Variants in ILDR1 observed in about 807,000 individuals in gnomAD.
ILDR1 encodes the protein immunoglobulin-like domain-containing receptor 1.
ILDR1 carries 56 observed loss-of-function variants against 62.4 expected under a neutral mutation model. That is an observed-to-expected ratio of 0.90 (90% CI 0.72 to 1.12). The LOEUF (loss-of-function observed/expected upper bound fraction) is 1.12. ILDR1 is among the 50% of genes most tolerant of loss of function. The pLI is 0.00. For synonymous variants in ILDR1, 284 were observed against 277.8 expected, an observed-to-expected ratio of 1.02 and a Z score of -0.22; for missense variants, 736 against 710.6, an observed-to-expected ratio of 1.04 and a Z score of -0.41.
chr3:121,998,231 T>A (rs1393576874), intron 5 of ILDR1, among the ~76,000 whole-genome samples: 1 of 152,272 alleles, frequency 6.6e-6, no homozygotes, highest in Non-Finnish European at 1.5e-5. Context: ...ACCAGCTTCA[T>A]CACTCATCAG....
chr3:122,047,177 C>T, the ILDR1 span, among the ~76,000 whole-genome samples: 11 of 149,996 alleles, frequency 7.3e-5, no homozygotes, highest in South Asian at 4.3e-4. Flanking sequence ...AATACCCTGC[C>T]GTGTGAGGTG....
the ILDR1 span, among the ~76,000 whole-genome samples, chr3:122,031,240 G>C: frequency 6.6e-6 from 1 of 152,160 alleles, no homozygotes. Flanking sequence ...GTAGCACCAG[G>C]GAGTTAACTA....
intron 1 of ILDR1, among the ~76,000 whole-genome samples, chr3:122,017,108 C>T (rs151194702): frequency 2.3e-3 from 357 of 151,940 alleles, no homozygotes; most frequent in Non-Finnish European, 3.7e-3. Context: ...AGTGAAATGG[C>T]GCGATCTCGG....
the ILDR1 span, among the ~76,000 whole-genome samples, chr3:122,061,373 A>G: frequency 1.3e-5 from 2 of 152,240 alleles, no homozygotes; most frequent in Non-Finnish European, 2.9e-5. Context: ...CAATTATGAA[A>G]TGACAAAAAC....
chr3:122,051,568 A>G, the ILDR1 span, among the ~76,000 whole-genome samples: 1 of 152,030 alleles, frequency 6.6e-6, no homozygotes, highest in African/African-American at 2.4e-5. Context: ...TATGATGGTT[A>G]TTTAGAATTT....
intron 3 of ILDR1, among the ~76,000 whole-genome samples, chr3:122,003,351 AT>A (rs970114316): frequency 5.9e-5 from 9 of 152,032 alleles, no homozygotes; most frequent in Non-Finnish European, 1.3e-4. Flanking sequence ...AATATCTACA[AT>A]TTTTTTCCTA....
the ILDR1 span, among the ~76,000 whole-genome samples, chr3:122,049,230 T>A: frequency 6.6e-6 from 1 of 152,218 alleles, no homozygotes; most frequent in Non-Finnish European, 1.5e-5. Context: ...TCCATTGTGA[T>A]TGGAAAAGGT....
chr3:122,036,588 C>CG, the ILDR1 span, among the ~76,000 whole-genome samples: 14 of 98,574 alleles, frequency 1.4e-4, no homozygotes, highest in African/African-American at 5.6e-4. Context: ...GACTCCATTT[C>CG]AAAAAAAAAA....
At chr3:122,010,879 C>G (rs931483491) in intron 1 of ILDR1, among the ~76,000 whole-genome samples, 1 of 152,142 alleles carries the variant, frequency 6.6e-6, no homozygotes, top group Admixed American at 6.5e-5. Context: ...AATGTGATAC[C>G]TGGGAGAAGA....
chr3:121,992,919 G>A lies in ILDR1; in HGVS notation c.1599+231C>T, dbSNP rs80115089. 7.6e-3 allele frequency among the ~76,000 whole-genome samples: 1,164 copies of A among 152,284 alleles called. 18 individuals carry two copies. The highest frequency in any genetic ancestry group is 0.026 in the African/African-American group (1,082 of 41,554). On this transcript the variant is annotated intron_variant, in intron 7 of 7. Transcript: ENST00000344209. ...GGACTGCGATGACAGCCGAAGCGAC[G>A]GTGAGAAGGCCCTTCACAGGCAGCG... is the stretch of plus-strand genomic sequence containing the variant.
At chr3:122,018,562 C>T (rs958782613) in intron 1 of ILDR1, among the ~76,000 whole-genome samples, 7 of 151,856 alleles carry the variant, frequency 4.6e-5, no homozygotes, top group Non-Finnish European at 8.8e-5. Context: ...AACAAAAAAC[C>T]TGCTCCACAG....
At chr3:122,036,157 T>C in the ILDR1 span, among the ~76,000 whole-genome samples, 1 of 152,188 alleles carries the variant, frequency 6.6e-6, no homozygotes, top group Non-Finnish European at 1.5e-5. Context: ...AATTTTGAAC[T>C]CGAAAGAGAT....
At chr3:122,036,519 G>A in the ILDR1 span, among the ~76,000 whole-genome samples, 1 of 151,686 alleles carries the variant, frequency 6.6e-6, no homozygotes, top group East Asian at 1.9e-4. Context: ...AACGCGGGAG[G>A]TGGAGCTTGC....
chr3:122,005,305 C>T lies in ILDR1; in HGVS notation c.318G>A (p.Arg106=), dbSNP rs757019053. 4.3e-6 allele frequency: 7 copies of T among 1,614,022 alleles called. No homozygotes were observed. The South Asian group carries it at 7.7e-5, about 18-fold the overall frequency. The change falls in exon 3 of 8, where the codon CGG becomes CGA. Residue 106 remains arginine, a synonymous_variant. Transcript: ENST00000344209. The stretch of plus-strand genomic sequence containing the variant: ...CCCCCAGCACGGGCTCATTCTGCCC[C>T]CGCCGCTGGGCCACTATGCGAACTT... ...QREVRIVAQR[R]GQNEPVLGVD... is the part of the protein sequence containing the mutation.
chr3:122,050,389 T>C, the ILDR1 span, among the ~76,000 whole-genome samples: 1 of 152,134 alleles, frequency 6.6e-6, no homozygotes, highest in African/African-American at 2.4e-5. Context: ...TATGGTGACA[T>C]GATTTTATAC....
At chr3:122,052,941 T>C in the ILDR1 span, among the ~76,000 whole-genome samples, 1 of 152,196 alleles carries the variant, frequency 6.6e-6, no homozygotes, top group Non-Finnish European at 1.5e-5. Context: ...AAACTGGGAA[T>C]TTCCTCCTAA....
chr3:122,020,579 T>C (rs1364974423), intron 1 of ILDR1, among the ~76,000 whole-genome samples: 2 of 152,202 alleles, frequency 1.3e-5, no homozygotes, highest in Non-Finnish European at 2.9e-5. Flanking sequence ...GGGGCAGTGG[T>C]GGGAGCAGAA....
Position 121,993,416 on chromosome 3 carries a change from C to A in ILDR1, c.1333G>T (p.Glu445Ter). The A allele has an allele frequency of 6.2e-7, 1 of 1,613,920 alleles. No individual in the cohort carries two copies. Among genetic ancestry groups the A allele is most frequent in the Non-Finnish European group, 8.5e-7 (1 of 1,179,910 alleles). Reference protein sequence around the residue: ...SHPPFRSRCQERPRRPSPRES... With the variant: ...SHPPFRSRCQ Reference sequence around the variant, plus strand: ...CGGGGGCTGGGCCTGCGGGGCCTCTCCTGACAGCGGCTCCTGAAAGGAGGG... The same window carrying A: ...CGGGGGCTGGGCCTGCGGGGCCTCTACTGACAGCGGCTCCTGAAAGGAGGG... Residue 445 changes from glutamate (E) to a stop codon, truncating the protein, a stop_gained, in exon 7 of 8, where the codon GAG (glutamate) becomes TAG (stop). Transcript: ENST00000344209. LOFTEE classifies it high-confidence loss of function.
intron 5 of ILDR1, among the ~76,000 whole-genome samples, chr3:121,994,687 G>A (rs1485502364): frequency 6.6e-6 from 1 of 152,210 alleles, no homozygotes; most frequent in Non-Finnish European, 1.5e-5. Flanking sequence ...GAAGCCAAAG[G>A]CCAGAAACAG....
Sources: allele counts gnomAD v4.1 joint callset (sites outside exome capture counted in the v4.1 genomes callset), GRCh38; gene constraint gnomAD v4.1.1; transcripts MANE v1.5; gene names NCBI Gene and HGNC (gene_info 2026-07-23, HGNC 2026-07-21).